VAV2: variants seen among roughly 807,000 people sequenced by gnomAD.
The protein encoded by VAV2 is vav guanine nucleotide exchange factor 2.
A neutral mutation model predicts 132.5 loss-of-function variants in VAV2; 67 were observed. The observed-to-expected ratio is 0.51, with a 90% CI of 0.42 to 0.62. The LOEUF (loss-of-function observed/expected upper bound fraction) is 0.62. Among genes scored for constraint, VAV2 ranks in the 20% least tolerant of loss-of-function variants. The pLI, the probability that VAV2 is intolerant of heterozygous loss-of-function variation, is 0.00. For missense variants in VAV2, 938 were observed against 1,153.6 expected (o/e 0.81, Z 2.71); for synonymous variants, 492 against 443.5 (o/e 1.11, Z -1.37).
In VAV2 at chr9:133,979,066, C is replaced by T. The variant is rs191630443; in HGVS notation, c.204+13009G>A. Among the ~76,000 whole-genome samples the T allele has an allele frequency of 2.8e-4, 43 of 152,320 alleles. No homozygotes were observed. The East Asian group carries it at 3.5e-3, about 12-fold the overall frequency. ...GGTCCCGGAGCGCCCACCCCAGCCG[C>T]GTCAAGTGGGCACATGGGGAGGGGC... On this transcript the variant is annotated intron_variant, in intron 1 of 29. Coordinates refer to ENST00000371850, the MANE Select transcript of VAV2 (RefSeq NM_001134398.2).
chr9:133,870,418 G>A lies in VAV2; in HGVS notation c.322-8986C>T, dbSNP rs190400079. Among the ~76,000 whole-genome samples the A allele has an allele frequency of 3.5e-4, 53 of 152,332 alleles. No homozygotes were observed. In the East Asian group the frequency reaches 9.6e-3, roughly 28 times the overall value. ...GTCCTTACAAAGAAGATCAGGGCTC[G>A]AAAGTCATTTAGAAGGAAAGAAAAA... On this transcript the variant is annotated intron_variant, in intron 2 of 29. Coordinates refer to ENST00000371850, the MANE Select transcript of VAV2 (RefSeq NM_001134398.2).
rs115476107 is a variant in VAV2 at position 133,858,332 on chromosome 9, C to G, written c.380+3042G>C. ...AACCCCACCGGCCACCAGTGAGGAC[C>G]CGCACTCCAGGGCTTGGGTGGCAAT... On this transcript the variant is annotated intron_variant, in intron 3 of 29. Transcript: ENST00000371850. 6.4e-3 allele frequency among the ~76,000 whole-genome samples: 981 copies of G among 152,314 alleles called. 9 individuals carry two copies. Among genetic ancestry groups the G allele is most frequent in the African/African-American group, 0.022 (924 of 41,568 alleles).
intron 2 of VAV2, among the ~76,000 whole-genome samples, chr9:133,903,656 A>G (rs1466376184): frequency 6.6e-6 from 1 of 152,182 alleles, no homozygotes. Flanking sequence ...TTTGAACCAT[A>G]AAGAAATTTA....
At chr9:133,880,842 C>T (rs1358727197) in intron 2 of VAV2, among the ~76,000 whole-genome samples, 1 of 152,242 alleles carries the variant, frequency 6.6e-6, no homozygotes, top group African/African-American at 2.4e-5. Context: ...GCCCCTTTGG[C>T]AGGTCAGGTG....
chr9:133,770,312 C>G (rs1279938291), intron 27 of VAV2, 66 bp downstream of exon 27: 1 of 1,605,270 alleles, frequency 6.2e-7, no homozygotes, highest in Non-Finnish European at 8.5e-7. Flanking sequence ...GATCTGAGCC[C>G]TGGGAAGTGG....
chr9:133,867,494 C>T (rs547446938), intron 2 of VAV2, among the ~76,000 whole-genome samples: 3 of 152,352 alleles, frequency 2.0e-5, no homozygotes, highest in Admixed American at 2.0e-4. Flanking sequence ...CTCTGACCCT[C>T]GTCAAGCCTC....
At chr9:133,835,027 GC>G (rs955159099) in intron 3 of VAV2, among the ~76,000 whole-genome samples, 1 of 152,168 alleles carries the variant, frequency 6.6e-6, no homozygotes, top group African/African-American at 2.4e-5. Context: ...CAACCCTGGT[GC>G]CTTTCTGCAG....
At chr9:133,968,613 C>T (rs1007837398) in intron 1 of VAV2, among the ~76,000 whole-genome samples, 11 of 152,180 alleles carry the variant, frequency 7.2e-5, no homozygotes, top group Admixed American at 2.0e-4. Flanking sequence ...AGAGCCTACA[C>T]GACCCGGGCT....
chr9:133,808,273 G>A (rs951708851), intron 7 of VAV2, among the ~76,000 whole-genome samples: 1 of 152,230 alleles, frequency 6.6e-6, no homozygotes, highest in Non-Finnish European at 1.5e-5. Context: ...AGGACCAGAG[G>A]GTGGGGCAGC....
At chr9:133,978,607 T>C (rs1226102593) in intron 1 of VAV2, among the ~76,000 whole-genome samples, 1 of 152,254 alleles carries the variant, frequency 6.6e-6, no homozygotes, top group African/African-American at 2.4e-5. Context: ...GTGAGAATGA[T>C]TTGTCTTCAT....
In VAV2 at chr9:133,900,030, A is replaced by T. The variant is rs1412776211; in HGVS notation, c.322-38598T>A. Among the ~76,000 whole-genome samples, 7 of 109,840 alleles carry T rather than the reference A, an allele frequency of 6.4e-5. 1 individual carries two copies. The highest frequency in any genetic ancestry group is 3.8e-3 in the Middle Eastern group (1 of 262). The allele number at this position is 109,840 out of a possible 152,430, so 72.1% of individuals were successfully genotyped here. On this transcript the variant is annotated intron_variant, in intron 2 of 29. Transcript: ENST00000371850. ...AGCAAGACTCCATCTCAAAAAAAAT[A>T]AATAAATAAATAAATAAAAATAGCT...
chr9:133,785,198 G>A (rs913685009), intron 17 of VAV2, among the ~76,000 whole-genome samples: 17 of 152,182 alleles, frequency 1.1e-4, no homozygotes, highest in Admixed American at 3.9e-4. Context: ...CGGTCAGAGA[G>A]GCGAGTGCAC....
At position 133,992,064 on chromosome 9, in the gene VAV2, C is replaced by A. The variant is rs769987635; in HGVS notation, c.204+11G>T. The A allele has an allele frequency of 6.5e-7, 1 of 1,543,156 alleles. No individual in the cohort carries two copies. The highest frequency in any genetic ancestry group is 1.4e-5 in the African/African-American group (1 of 70,252). On this transcript the variant is annotated intron_variant, in intron 1 of 29. Coordinates refer to ENST00000371850, the MANE Select transcript of VAV2 (RefSeq NM_001134398.2). The surrounding 1 kb of genome is among the most constrained non-coding windows in gnomAD (Gnocchi z 5.5). The stretch of plus-strand genomic sequence containing the variant: ...GCCTCCCCGGGGCCCTCCCGCCCGC[C>A]GGGCGCTCACCTGGGACATCTGCGG...
chr9:133,867,117 G>A (rs1221946127), intron 2 of VAV2, among the ~76,000 whole-genome samples: 1 of 152,170 alleles, frequency 6.6e-6, no homozygotes, highest in Non-Finnish European at 1.5e-5. Flanking sequence ...AGTGCCGAGT[G>A]AGGACACGGC....
rs1838581492 is a variant in VAV2, at chr9:133,883,504, C to T, written c.322-22072G>A. Among the ~76,000 whole-genome samples, 2 of 152,152 alleles carry T rather than the reference C, an allele frequency of 1.3e-5. No homozygotes were observed. Among genetic ancestry groups the T allele is most frequent in the African/African-American group, 4.8e-5 (2 of 41,432 alleles). On this transcript the variant is annotated intron_variant, in intron 2 of 29. Transcript: ENST00000371850. The surrounding 1 kb of genome is among the most constrained non-coding windows in gnomAD (Gnocchi z 4.2). Reference sequence around the variant, plus strand: ...ATGTTGAAACAATGAGGGGATAGAACAACCACTCACCCTGCAGACTCCCAA... The same window carrying T: ...ATGTTGAAACAATGAGGGGATAGAATAACCACTCACCCTGCAGACTCCCAA...
rs111754840 is a variant in VAV2, at chr9:133,864,901, G to A, written c.322-3469C>T. ...GGGCATGCGGTCTGTGAGCTCCTCCGGGGTAGGAACAAAGTTGGCTTTGCT... is the reference window on the plus strand; with the variant it reads ...GGGCATGCGGTCTGTGAGCTCCTCCAGGGTAGGAACAAAGTTGGCTTTGCT... On this transcript the variant is annotated intron_variant, in intron 2 of 29. Transcript: ENST00000371850. 2.2e-4 allele frequency among the ~76,000 whole-genome samples: 33 copies of A among 152,316 alleles called. 1 individual carries two copies. Among genetic ancestry groups the A allele is most frequent in the South Asian group, 6.2e-4 (3 of 4,824 alleles).
At chr9:133,815,354 C>T (rs552667583) in intron 4 of VAV2, among the ~76,000 whole-genome samples, 8 of 152,134 alleles carry the variant, frequency 5.3e-5, no homozygotes, top group African/African-American at 1.7e-4. Flanking sequence ...GATCAAAATA[C>T]GCCCTTAGTG....
intron 2 of VAV2, among the ~76,000 whole-genome samples, chr9:133,898,305 T>C (rs1018745612): frequency 1.3e-5 from 2 of 151,986 alleles, no homozygotes; most frequent in Admixed American, 1.3e-4. Flanking sequence ...AGAGACTTTT[T>C]AGGGCGGATG....
chr9:133,810,317 C>T, intron 5 of VAV2, 112 bp from the exon 6 acceptor site: 1 of 1,544,074 alleles, frequency 6.5e-7, no homozygotes, highest in Middle Eastern at 1.8e-4. Flanking sequence ...GCCAACAGAC[C>T]CAAAGCCACA....
Sources: gnomAD v4.1 joint callset for allele counts (sites outside exome capture counted in the v4.1 genomes callset) on GRCh38, gnomAD v4.1.1 for gene constraint, Gnocchi (gnomAD v3.1) non-coding constraint, MANE v1.5 for transcripts, NCBI Gene and HGNC (gene_info 2026-07-23, HGNC 2026-07-21) for gene names.